PDE4D: variants seen among roughly 807,000 people sequenced by gnomAD.
PDE4D encodes the protein phosphodiesterase 4D.
PDE4D carries 24 observed loss-of-function variants against 87.4 expected under a neutral mutation model. The ratio of observed to expected loss-of-function variants is 0.27; its 90% CI spans 0.20 to 0.39. The LOEUF (loss-of-function observed/expected upper bound fraction) is 0.39, where lower values mean the gene tolerates loss of function less well. Among genes scored for constraint, PDE4D ranks in the 10% least tolerant of loss-of-function variants. The pLI, the probability that PDE4D is intolerant of heterozygous loss-of-function variation, is 1.00. For synonymous variants in PDE4D, 384 were observed against 383.2 expected (o/e 1.00, Z -0.02); for missense variants, 714 against 1,041.0 (o/e 0.69, Z 4.32).
intron 1 of PDE4D, among the ~76,000 whole-genome samples, chr5:59,551,006 G>C (rs1818026831): frequency 6.6e-6 from 1 of 151,998 alleles, no homozygotes; most frequent in South Asian, 2.1e-4. Flanking sequence ...GATTTCTAAG[G>C]ATTTTTAAGA....
intron 2 of PDE4D, among the ~76,000 whole-genome samples, chr5:60,150,037 T>C (rs1781365736): frequency 6.8e-6 from 1 of 147,344 alleles, no homozygotes; most frequent in Non-Finnish European, 1.5e-5. Flanking sequence ...TACATACATA[T>C]AGTATATATA....
At chr5:59,193,578 C>T (rs778467502) in intron 2 of PDE4D, 42 bp from the exon 3 acceptor site, 13 of 1,608,896 alleles carry the variant, frequency 8.1e-6, no homozygotes, top group African/African-American at 5.4e-5. Flanking sequence ...TCATCAATAA[C>T]TCTGTGCTCA....
At chr5:60,344,257 C>T (rs1297151270) in intron 1 of PDE4D, among the ~76,000 whole-genome samples, 1 of 152,172 alleles carries the variant, frequency 6.6e-6, no homozygotes, top group East Asian at 1.9e-4. Context: ...CTCCAACGGA[C>T]ATAGCAAGGG....
chr5:59,284,725 T>G (rs1172917990), intron 1 of PDE4D, among the ~76,000 whole-genome samples: 35 of 110,968 alleles, frequency 3.2e-4, no homozygotes, highest in Middle Eastern at 3.7e-3. Flanking sequence ...TATACCCAAA[T>G]GACTATAAAT....
intron 1 of PDE4D, among the ~76,000 whole-genome samples, chr5:59,503,891 A>G (rs1037424098): frequency 2.1e-5 from 3 of 146,058 alleles, no homozygotes; most frequent in Admixed American, 1.4e-4. Flanking sequence ...ATATTTCTCT[A>G]CTAGAAGTCT....
chr5:60,092,634 A>G (rs1775256295), intron 2 of PDE4D, among the ~76,000 whole-genome samples: 1 of 137,662 alleles, frequency 7.3e-6, no homozygotes, highest in Admixed American at 6.9e-5. Flanking sequence ...CTGCACGCTA[A>G]AAAAAAAAAA....
At chr5:59,725,527 C>T (rs549255272) in intron 1 of PDE4D, among the ~76,000 whole-genome samples, 6 of 152,134 alleles carry the variant, frequency 3.9e-5, no homozygotes, top group Admixed American at 3.9e-4. Flanking sequence ...GAGATCTATC[C>T]CTTGAGAGAG....
intron 1 of PDE4D, among the ~76,000 whole-genome samples, chr5:59,631,896 C>A (rs1349293105): frequency 6.6e-6 from 1 of 152,130 alleles, no homozygotes; most frequent in Admixed American, 6.5e-5. Flanking sequence ...GTGAGACAGC[C>A]ATTCAATCCC....
At chr5:59,806,877 G>T (rs1767796185) in intron 1 of PDE4D, among the ~76,000 whole-genome samples, 1 of 152,112 alleles carries the variant, frequency 6.6e-6, no homozygotes, top group East Asian at 1.9e-4. Flanking sequence ...TATAGACAAT[G>T]AAAACATGCA....
rs548785153 is a variant in PDE4D, at chr5:60,261,829, G to C, written c.-89-76142C>G. Among the ~76,000 whole-genome samples, 4 of 152,222 alleles carry C rather than the reference G, an allele frequency of 2.6e-5. No individual in the cohort carries two copies. In the South Asian group the frequency reaches 8.3e-4, roughly 32 times the overall value. Reference sequence around the variant, plus strand: ...CTGGGCCACAAGTGTGCATGAAACAGATAAAAATGATGTTTCTGCAGTTTG... The same window carrying C: ...CTGGGCCACAAGTGTGCATGAAACACATAAAAATGATGTTTCTGCAGTTTG... On this transcript the variant is annotated intron_variant, in intron 1 of 16. Coordinates refer to the PDE4D transcript ENST00000502484.
chr5:60,473,472 A>G (rs879802953), intron 1 of PDE4D, among the ~76,000 whole-genome samples: 1 of 152,236 alleles, frequency 6.6e-6, no homozygotes, highest in Non-Finnish European at 1.5e-5. Flanking sequence ...TGTATATGTT[A>G]AAGAACAAGA....
intron 2 of PDE4D, among the ~76,000 whole-genome samples, chr5:60,108,218 GACAA>G (rs1428867100): frequency 3.3e-5 from 5 of 151,580 alleles, no homozygotes; most frequent in Admixed American, 1.3e-4. Context: ...AGCAACAACA[GACAA>G]ACAGAGAGCC....
chr5:60,012,258 A>C (rs1765086458), intron 2 of PDE4D, among the ~76,000 whole-genome samples: 2 of 152,200 alleles, frequency 1.3e-5, no homozygotes, highest in Non-Finnish European at 2.9e-5. Flanking sequence ...CCCAACAAGA[A>C]CTGCATGAGT....
At chr5:59,316,048 T>C (rs1773654477) in intron 1 of PDE4D, among the ~76,000 whole-genome samples, 1 of 152,134 alleles carries the variant, frequency 6.6e-6, no homozygotes, top group Non-Finnish European at 1.5e-5. Context: ...GAAATCTACA[T>C]CTGTCTCTCA....
intron 1 of PDE4D, among the ~76,000 whole-genome samples, chr5:59,744,875 G>C (rs1019265930): frequency 2.0e-5 from 3 of 152,126 alleles, no homozygotes; most frequent in Non-Finnish European, 4.4e-5. Flanking sequence ...ATGGTAACAA[G>C]CTTTATTTCT....
chr5:60,077,599 G>A (rs34952372), intron 2 of PDE4D, among the ~76,000 whole-genome samples: 30,884 of 152,062 alleles, frequency 0.2, 3,570 homozygotes, highest in African/African-American at 0.33. Flanking sequence ...TTCATGGGCA[G>A]GACCTCCCTG....
intron 1 of PDE4D, among the ~76,000 whole-genome samples, chr5:59,646,879 C>CA (rs1193376316): frequency 3.3e-5 from 5 of 151,970 alleles, no homozygotes; most frequent in Admixed American, 3.3e-4. Context: ...ACTAAAACTA[C>CA]AAAAAATTAG....
intron 5 of PDE4D, among the ~76,000 whole-genome samples, chr5:59,172,074 TATATATTATATATATAATAA>T (rs1782990604): frequency 2.4e-4 from 2 of 8,490 alleles, no homozygotes; most frequent in African/African-American, 6.3e-4. Flanking sequence ...ATATAATAAA[TATATATTATATATATAATAA>T]ATATATATTA....
At chr5:59,776,593 G>A (rs997103574) in intron 1 of PDE4D, among the ~76,000 whole-genome samples, 8 of 152,130 alleles carry the variant, frequency 5.3e-5, no homozygotes, top group African/African-American at 1.9e-4. Flanking sequence ...TAAAAAATTT[G>A]TTCTGATATC....
Sources: allele counts gnomAD v4.1 joint callset (sites outside exome capture counted in the v4.1 genomes callset), GRCh38; gene constraint gnomAD v4.1.1; transcripts MANE v1.5; gene names NCBI Gene and HGNC (gene_info 2026-07-23, HGNC 2026-07-21).